The following ASIC2 variants were observed in gnomAD, a reference collection of about 807,000 sequenced individuals.
ASIC2 encodes acid sensing ion channel subunit 2.
A neutral mutation model predicts 57.3 loss-of-function variants in ASIC2; 25 were observed. The ratio of observed to expected loss-of-function variants is 0.44; its 90% CI spans 0.32 to 0.61. ASIC2 has a LOEUF of 0.61. Among genes scored for constraint, ASIC2 ranks in the 20% least tolerant of loss-of-function variants. ASIC2 has a pLI of 0.06. For synonymous variants in ASIC2, 319 were observed against 307.5 expected, an observed-to-expected ratio of 1.04 and a Z score of -0.39; for missense variants, 641 against 738.1, an observed-to-expected ratio of 0.87 and a Z score of 1.52.
At chr17:33,036,674 C>T (rs933853538) in intron 3 of ASIC2, among the ~76,000 whole-genome samples, 2 of 152,060 alleles carry the variant, frequency 1.3e-5, no homozygotes, top group Admixed American at 1.3e-4. Context: ...TCCTAAAGCA[C>T]TAGGGTTACA....
At chr17:33,252,698 C>G (rs916600230) in intron 1 of ASIC2, among the ~76,000 whole-genome samples, 1 of 151,988 alleles carries the variant, frequency 6.6e-6, no homozygotes, top group Non-Finnish European at 1.5e-5. Flanking sequence ...GCACTTGACT[C>G]TATTTCTTGG....
At chr17:33,839,628 T>G (rs904367429) in intron 1 of ASIC2, among the ~76,000 whole-genome samples, 2 of 152,200 alleles carry the variant, frequency 1.3e-5, no homozygotes, top group Admixed American at 1.3e-4. Flanking sequence ...GAAAGCCTTG[T>G]GCCCAGGAAA....
intron 1 of ASIC2, among the ~76,000 whole-genome samples, chr17:34,036,472 T>C (rs1398635305): frequency 2.0e-5 from 3 of 151,450 alleles, no homozygotes; most frequent in African/African-American, 7.3e-5. Context: ...TGTATACATA[T>C]GTAACAAACC....
At chr17:33,315,598 C>T (rs1261493101) in intron 1 of ASIC2, among the ~76,000 whole-genome samples, 1 of 152,152 alleles carries the variant, frequency 6.6e-6, no homozygotes, top group Non-Finnish European at 1.5e-5. Flanking sequence ...AAATGATTCT[C>T]ATTATCTGAG....
chr17:34,058,181 C>G (rs78150523), intron 1 of ASIC2, among the ~76,000 whole-genome samples: 2 of 152,178 alleles, frequency 1.3e-5, no homozygotes, highest in Non-Finnish European at 2.9e-5. Flanking sequence ...ATATCTGAGT[C>G]GGTTCTGTAC....
chr17:33,365,689 T>A (rs1908781589), intron 1 of ASIC2, among the ~76,000 whole-genome samples: 1 of 152,108 alleles, frequency 6.6e-6, no homozygotes, highest in African/African-American at 2.4e-5. Context: ...GGCCATTAGC[T>A]ATATAACAAC....
At chr17:33,112,345 G>T (rs2092262019) in intron 1 of ASIC2, among the ~76,000 whole-genome samples, 1 of 152,158 alleles carries the variant, frequency 6.6e-6, no homozygotes, top group Non-Finnish European at 1.5e-5. Flanking sequence ...GGGAGGTCCT[G>T]TTCACTTCCA....
At chr17:33,599,724 C>G (rs970084877) in intron 1 of ASIC2, among the ~76,000 whole-genome samples, 1 of 152,186 alleles carries the variant, frequency 6.6e-6, no homozygotes, top group Non-Finnish European at 1.5e-5. Flanking sequence ...GAGGGCTGTT[C>G]TGTGCTGAGG....
intron 1 of ASIC2, among the ~76,000 whole-genome samples, chr17:33,913,393 A>G (rs1205376283): frequency 6.6e-6 from 1 of 152,194 alleles, no homozygotes; most frequent in Non-Finnish European, 1.5e-5. Flanking sequence ...TACGACTAAT[A>G]AAATACAATT....
intron 2 of ASIC2, among the ~76,000 whole-genome samples, chr17:33,110,661 GAGTTTGC>G (rs2092254157): frequency 6.6e-6 from 1 of 152,204 alleles, no homozygotes; most frequent in African/African-American, 2.4e-5. Context: ...AGAGATCCTG[GAGTTTGC>G]AGTCAGTCCT....
intron 1 of ASIC2, among the ~76,000 whole-genome samples, chr17:34,134,034 A>T (rs2142131150): frequency 6.6e-6 from 1 of 152,324 alleles, no homozygotes; most frequent in Admixed American, 6.5e-5. Context: ...TCTGAGAGAT[A>T]CTTACCAAGT....
intron 1 of ASIC2, among the ~76,000 whole-genome samples, chr17:33,703,495 G>A (rs1039662841): frequency 1.3e-5 from 2 of 151,996 alleles, no homozygotes; most frequent in East Asian, 3.9e-4. Flanking sequence ...TGGGACTACA[G>A]GCACAAGCCA....
At chr17:33,270,571 G>C (rs1030707081) in intron 1 of ASIC2, among the ~76,000 whole-genome samples, 1 of 152,218 alleles carries the variant, frequency 6.6e-6, no homozygotes, top group Admixed American at 6.5e-5. Flanking sequence ...CCTGCATGGA[G>C]CTTTAAACAT....
chr17:33,830,874 G>T (rs1913086678), intron 1 of ASIC2, among the ~76,000 whole-genome samples: 1 of 151,936 alleles, frequency 6.6e-6, no homozygotes, highest in African/African-American at 2.4e-5. Flanking sequence ...ATTTTAGGAG[G>T]CCAAAGTGGG....
At chr17:34,083,171 C>T (rs565469919) in intron 1 of ASIC2, among the ~76,000 whole-genome samples, 9 of 115,336 alleles carry the variant, frequency 7.8e-5, no homozygotes, top group Non-Finnish European at 1.2e-4. Context: ...ATCCCTCCCC[C>T]CTCCCCCCAC....
intron 1 of ASIC2, among the ~76,000 whole-genome samples, chr17:33,864,704 G>A (rs1408650501): frequency 6.6e-6 from 1 of 152,180 alleles, no homozygotes; most frequent in Non-Finnish European, 1.5e-5. Flanking sequence ...TGCCTTGGTG[G>A]TGTCACTGGC....
intron 1 of ASIC2, among the ~76,000 whole-genome samples, chr17:33,609,697 C>T (rs906338435): frequency 2.0e-5 from 3 of 152,174 alleles, no homozygotes; most frequent in Non-Finnish European, 2.9e-5. Context: ...GTGAAGCAGA[C>T]ATTGCTGTCT....
intron 1 of ASIC2, among the ~76,000 whole-genome samples, chr17:33,983,756 C>T (rs1318030301): frequency 6.6e-6 from 1 of 152,190 alleles, no homozygotes; most frequent in Non-Finnish European, 1.5e-5. Context: ...CAGTTCTATC[C>T]TCCTAGCAGT....
rs961831752 is a variant in ASIC2, at chr17:34,151,183, C to G, written c.555+4795G>C. Among the ~76,000 whole-genome samples the G allele has an allele frequency of 4.6e-5, 7 of 151,230 alleles. No individual in the cohort carries two copies. The East Asian group carries it at 1.4e-3, about 29-fold the overall frequency. On this transcript the variant is annotated intron_variant, in intron 1 of 9. Coordinates refer to the ASIC2 transcript ENST00000359872. ...AAGGGTTCTGGGTTTATTCCAGGAA[C>G]AGCAAGTAACTATTCAATTAGCAAG...
Sources: gnomAD v4.1 joint callset for allele counts (sites outside exome capture counted in the v4.1 genomes callset) on GRCh38, gnomAD v4.1.1 for gene constraint, MANE v1.5 for transcripts, NCBI Gene and HGNC (gene_info 2026-07-23, HGNC 2026-07-21) for gene names.